The following SLC9B2 variants were observed in gnomAD, a reference collection of about 807,000 sequenced individuals.
SLC9B2 encodes the protein sodium/hydrogen exchanger 9B2.
Under a neutral mutation model 52.2 loss-of-function variants are expected in SLC9B2, and 39 were observed. The ratio of observed to expected loss-of-function variants is 0.75; its 90% CI spans 0.58 to 0.98. The LOEUF is 0.98. SLC9B2 is among the 50% of genes least tolerant of loss of function. The pLI, the probability that SLC9B2 is intolerant of heterozygous loss-of-function variation, is 0.00. For missense variants in SLC9B2, 626 were observed against 637.5 expected (o/e 0.98, Z 0.19); for synonymous variants, 214 against 227.0 (o/e 0.94, Z 0.51).
intron 3 of SLC9B2, among the ~76,000 whole-genome samples, chr4:103,060,541 GT>G (rs10715507): frequency 0.4 from 46,763 of 116,276 alleles, 5,344 homozygotes; most frequent in Middle Eastern, 0.44. Flanking sequence ...TTTTTTGTTT[GT>G]TTTTTTTTTT....
chr4:103,047,184 T>C lies in SLC9B2; in HGVS notation c.756A>G (p.Ser252=). 1 of 1,613,838 alleles carries C rather than the reference T, an allele frequency of 6.2e-7. No individual in the cohort carries two copies. The part of the protein sequence containing the change: ...GAVSPAVVVP[S]MLLLQGGGYG... ...AGCCTCCTCCCTGCAAAAGGAGCATTGAAGGCACCACAACAGCTGGAGATA... is the reference window on the plus strand; with the variant it reads ...AGCCTCCTCCCTGCAAAAGGAGCATCGAAGGCACCACAACAGCTGGAGATA... Residue 252 remains serine, a synonymous_variant, in exon 7 of 12, where the codon TCA becomes TCG. Coordinates refer to ENST00000394785, the MANE Select transcript of SLC9B2 (RefSeq NM_178833.7).
intron 3 of SLC9B2, among the ~76,000 whole-genome samples, chr4:103,064,747 C>T (rs1745959608): frequency 6.6e-6 from 1 of 151,640 alleles, no homozygotes; most frequent in African/African-American, 2.4e-5. Context: ...ATATTGTACC[C>T]CACAAATATG....
intron 1 of SLC9B2, among the ~76,000 whole-genome samples, chr4:103,070,729 C>G (rs1413860103): frequency 6.6e-6 from 1 of 152,218 alleles, no homozygotes; most frequent in Non-Finnish European, 1.5e-5. Context: ...GCATGAGCCA[C>G]CATGCCCGGC....
In SLC9B2 at chr4:103,049,944, C is replaced by G. The variant is rs183290835; in HGVS notation, c.585+296G>C. Among the ~76,000 whole-genome samples the G allele has an allele frequency of 7.5e-4, 113 of 150,544 alleles. 1 individual carries two copies. Among genetic ancestry groups the G allele is most frequent in the African/African-American group, 2.2e-3 (92 of 40,926 alleles). ...AGGAGAATCACTTGAACCCGGGAGA[C>G]AGAGGTTGCAGTGAGCTGAGATCAA... On this transcript the variant is annotated intron_variant, in intron 5 of 11. Coordinates refer to ENST00000394785, the MANE Select transcript of SLC9B2 (RefSeq NM_178833.7).
chr4:103,072,388 T>G (rs974578966), intron 1 of SLC9B2, among the ~76,000 whole-genome samples: 1 of 152,176 alleles, frequency 6.6e-6, no homozygotes, highest in Non-Finnish European at 1.5e-5. Flanking sequence ...CAAATATCTT[T>G]CATCAAATGA....
chr4:103,032,160 T>C (rs946181512), intron 9 of SLC9B2, among the ~76,000 whole-genome samples: 2 of 152,156 alleles, frequency 1.3e-5, no homozygotes, highest in African/African-American at 4.8e-5. Flanking sequence ...TTTAAAATTT[T>C]ATGTCGACTT....
chr4:103,019,736 G>C, downstream of SLC9B2: 3 of 985,620 alleles, frequency 3.0e-6, no homozygotes, highest in Non-Finnish European at 3.6e-6. Context: ...GGGCGGGGCG[G>C]GGCGAGGAGG....
intron 9 of SLC9B2, among the ~76,000 whole-genome samples, chr4:103,033,986 C>T (rs1454388008): frequency 2.0e-5 from 3 of 152,048 alleles, no homozygotes; most frequent in African/African-American, 4.8e-5. Flanking sequence ...AAAAAAGAGC[C>T]CGAATAGCCA....
chr4:103,055,075 C>T (rs1255604760), intron 4 of SLC9B2, among the ~76,000 whole-genome samples: 8 of 152,188 alleles, frequency 5.3e-5, no homozygotes, highest in African/African-American at 7.2e-5. Flanking sequence ...ATGATGAGTT[C>T]GTGTCCTTTA....
intron 9 of SLC9B2, among the ~76,000 whole-genome samples, chr4:103,039,524 A>T (rs1167132898): frequency 6.6e-6 from 1 of 152,172 alleles, no homozygotes; most frequent in Admixed American, 6.5e-5. Flanking sequence ...CTACAGGAAT[A>T]AGAACTTTCC....
At chr4:103,053,007 G>A (rs954995606) in intron 4 of SLC9B2, among the ~76,000 whole-genome samples, 4 of 152,138 alleles carry the variant, frequency 2.6e-5, no homozygotes, top group East Asian at 3.8e-4. Flanking sequence ...GGTCATGGAG[G>A]AAAGAACATC....
At chr4:103,040,006 C>T (rs150641695) in intron 9 of SLC9B2, among the ~76,000 whole-genome samples, 12 of 152,030 alleles carry the variant, frequency 7.9e-5, no homozygotes, top group East Asian at 3.9e-4. Flanking sequence ...TTTTGACCTT[C>T]GCAATATACT....
chr4:103,035,939 A>G (rs1363062001), intron 9 of SLC9B2, among the ~76,000 whole-genome samples: 2 of 152,214 alleles, frequency 1.3e-5, no homozygotes, highest in Non-Finnish European at 2.9e-5. Context: ...AATACTATGC[A>G]GATATGAAAA....
chr4:103,026,548 C>T lies in SLC9B2; in HGVS notation c.1436G>A (p.Gly479Glu), dbSNP rs1351029501. Residue 479 changes from glycine (G) to glutamate (E), a missense_variant, in exon 12 of 12, where the codon GGA (glycine) becomes GAA (glutamate). Physicochemically the swap from Gly to Glu is moderately conservative, Grantham distance 98. Coordinates refer to ENST00000394785, the MANE Select transcript of SLC9B2 (RefSeq NM_178833.7). The part of the protein sequence containing the change: ...SVALDTARSH[G>E]EKQLEDYGMD... ...TCCATAGTCTTCTAATTGTTTCTCT[C>T]CATGTGACCTTGCTGTGTCCAAAGC... 9.9e-6 allele frequency: 16 copies of T among 1,613,758 alleles called. No individual in the cohort carries two copies. Among genetic ancestry groups the T allele is most frequent in the Non-Finnish European group, 1.4e-5 (16 of 1,179,878 alleles).
chr4:103,061,051 G>C (rs1191085363), intron 3 of SLC9B2, among the ~76,000 whole-genome samples: 1 of 152,146 alleles, frequency 6.6e-6, no homozygotes, highest in African/African-American at 2.4e-5. Flanking sequence ...AACCTGGGCA[G>C]GCTCTAGCTT....
intron 9 of SLC9B2, among the ~76,000 whole-genome samples, chr4:103,032,362 C>T (rs1272495224): frequency 2.0e-5 from 3 of 152,106 alleles, no homozygotes; most frequent in South Asian, 2.1e-4. Flanking sequence ...TCTCAAATCA[C>T]GCACAAAAAT....
In SLC9B2 at chr4:103,052,715, A is replaced by AT. The variant is rs571633889; in HGVS notation, c.443-2334dup. On this transcript the variant is annotated intron_variant, in intron 4 of 11. Coordinates refer to ENST00000394785, the MANE Select transcript of SLC9B2 (RefSeq NM_178833.7). ...TTTGTTTTGGGGGATATGAGGGGAC[A>AT]TTTTTTTTTTTTTTTGAGACAGGGT... is the stretch of plus-strand genomic sequence containing the variant. 6.3e-3 allele frequency among the ~76,000 whole-genome samples: 885 copies of AT among 141,440 alleles called. 5 individuals carry two copies. The highest frequency in any genetic ancestry group is 5.7e-3 in the Admixed American group (80 of 14,062). 92.8% of individuals were successfully genotyped at this position (141,440 alleles called of 152,430 possible). A position where few individuals can be genotyped will look rare whatever the true frequency, so the allele number is the denominator to read the frequency against.
intron 4 of SLC9B2, among the ~76,000 whole-genome samples, chr4:103,057,244 GTATATATATATA>G (rs56742547): frequency 0.019 from 2,589 of 137,178 alleles, 86 homozygotes; most frequent in African/African-American, 0.063. Context: ...TTAATTTTAA[GTATATATATATA>G]TATATATATA....
chr4:103,045,215 T>C (rs1744015733), intron 7 of SLC9B2, among the ~76,000 whole-genome samples: 1 of 152,190 alleles, frequency 6.6e-6, no homozygotes, highest in East Asian at 1.9e-4. Context: ...TGTTAGCACA[T>C]TGTGCAGAAA....
Sources: gnomAD v4.1 joint callset for allele counts (sites outside exome capture counted in the v4.1 genomes callset) on GRCh38, gnomAD v4.1.1 for gene constraint, MANE v1.5 for transcripts, NCBI Gene and HGNC (gene_info 2026-07-23, HGNC 2026-07-21) for gene names.